The following HADHB variants were observed in gnomAD, a reference collection of about 807,000 sequenced individuals.
HADHB encodes the protein hydroxyacyl-CoA dehydrogenase trifunctional multienzyme complex subunit beta.
In HADHB, 50 loss-of-function variants were observed where a neutral mutation model predicts 61.9. That is an observed-to-expected ratio of 0.81 (90% CI 0.64 to 1.02). The LOEUF is 1.02. HADHB is among the 50% of genes least tolerant of loss of function. The pLI is 0.00. For synonymous variants in HADHB, 191 were observed against 201.6 expected (o/e 0.95, Z 0.45); for missense variants, 504 against 586.5 (o/e 0.86, Z 1.45).
chr2:26,255,054 G>A (rs1671550570), intron 3 of HADHB: 1 of 156,508 alleles, frequency 6.4e-6, no homozygotes, highest in African/African-American at 2.4e-5. Context: ...GCAGATTTTT[G>A]TAGAATCTGC....
intron 9 of HADHB, among the ~76,000 whole-genome samples, chr2:26,279,777 G>A (rs1161402349): frequency 6.6e-6 from 1 of 152,092 alleles, no homozygotes. Context: ...AAAATAGGGT[G>A]TCCTATTTTT....
Position 26,260,081 on chromosome 2 carries a change from GT to G in HADHB, c.110-3281del, listed in dbSNP as rs35276756. Among the ~76,000 whole-genome samples, 318 of 133,534 alleles carry G rather than the reference GT, an allele frequency of 2.4e-3. 1 individual carries two copies. Among genetic ancestry groups the G allele is most frequent in the African/African-American group, 6.3e-3 (229 of 36,556 alleles). The allele number at this position is 133,534 out of a possible 152,430, so 87.6% of individuals were successfully genotyped here. Reference sequence around the variant, plus strand: ...AGGAATATATGGTCAGTTTTTTCTGGTTTTTTTTTTTTTTTTTTGAGGCAGA... The same window carrying G: ...AGGAATATATGGTCAGTTTTTTCTGGTTTTTTTTTTTTTTTTTGAGGCAGA... On this transcript the variant is annotated intron_variant, in intron 3 of 15. Transcript: ENST00000317799.
At chr2:26,247,765 G>T (rs911558568) in intron 1 of HADHB, among the ~76,000 whole-genome samples, 20 of 152,254 alleles carry the variant, frequency 1.3e-4, no homozygotes, top group African/African-American at 4.8e-4. Flanking sequence ...GTCTAGAGAT[G>T]ATTTAGAGTA....
At chr2:26,289,655 G>GTA (rs1293870403) in intron 15 of HADHB, among the ~76,000 whole-genome samples, 8 of 151,920 alleles carry the variant, frequency 5.3e-5, no homozygotes, top group East Asian at 1.9e-4. Context: ...ATATGTGTGT[G>GTA]TATATATATA....
At chr2:26,278,996 A>G in intron 8 of HADHB, 139 bp from the exon 9 acceptor site, 2 of 905,880 alleles carry the variant, frequency 2.2e-6, no homozygotes. Context: ...CTCTTTAGAG[A>G]TCCTCTGCTT....
chr2:26,270,765 A>G (rs1246443187), intron 5 of HADHB, among the ~76,000 whole-genome samples: 1 of 152,006 alleles, frequency 6.6e-6, no homozygotes, highest in Non-Finnish European at 1.5e-5. Flanking sequence ...CTGTCTCTGT[A>G]CTTTATAGCA....
At chr2:26,252,149 C>A (rs1671424365) in intron 1 of HADHB, among the ~76,000 whole-genome samples, 1 of 152,194 alleles carries the variant, frequency 6.6e-6, no homozygotes, top group South Asian at 2.1e-4. Flanking sequence ...AGTGGGTGAG[C>A]TGAGAGAGAG....
intron 3 of HADHB, among the ~76,000 whole-genome samples, chr2:26,262,107 T>A (rs1218982503): frequency 6.6e-6 from 1 of 152,222 alleles, no homozygotes; most frequent in Non-Finnish European, 1.5e-5. Context: ...TTATCATGAC[T>A]ATTAACTCTC....
intron 4 of HADHB, among the ~76,000 whole-genome samples, chr2:26,264,062 A>G (rs1407460214): frequency 6.6e-6 from 1 of 152,076 alleles, no homozygotes; most frequent in African/African-American, 2.4e-5. Flanking sequence ...AAAGCTGATA[A>G]TGGACTTTGA....
chr2:26,275,578 C>A (rs1292248841), intron 6 of HADHB, among the ~76,000 whole-genome samples: 1 of 152,140 alleles, frequency 6.6e-6, no homozygotes. Flanking sequence ...ACCTAAGTGC[C>A]CCTTTTACAC....
At chr2:26,256,925 C>T (rs2147803364) in intron 3 of HADHB, among the ~76,000 whole-genome samples, 1 of 152,158 alleles carries the variant, frequency 6.6e-6, no homozygotes, top group African/African-American at 2.4e-5. Flanking sequence ...ACATAATTGG[C>T]CATTATTAGA....
chr2:26,257,880 G>A (rs1041763645), intron 3 of HADHB, among the ~76,000 whole-genome samples: 2 of 152,006 alleles, frequency 1.3e-5, no homozygotes, highest in Admixed American at 6.6e-5. Flanking sequence ...TTAGCCGGGC[G>A]TGGTGGCGGG....
At position 26,254,434 on chromosome 2, in the gene HADHB, A is replaced by C; in HGVS notation, c.69A>C (p.Ile23=). 6.2e-7 allele frequency: 1 copy of C among 1,603,918 alleles called. No individual in the cohort carries two copies. The highest frequency in any genetic ancestry group is 1.1e-5 in the South Asian group (1 of 90,902). The change falls in exon 3 of 16, where the codon ATA becomes ATC. Residue 23 remains isoleucine (I), a synonymous_variant. Coordinates refer to ENST00000317799, the MANE Select transcript of HADHB (RefSeq NM_000183.3). ...ACAGTTTATTTTGTCTTCCAGCCAT[A>C]AGACCTCTGAGCTGTTCCTCCCAGC... ...TASKWALRFS[I]RPLSCSSQLR... is the part of the protein sequence containing the mutation.
intron 5 of HADHB, among the ~76,000 whole-genome samples, chr2:26,272,767 T>A (rs1174852933): frequency 6.6e-6 from 1 of 152,112 alleles, no homozygotes; most frequent in African/African-American, 2.4e-5. Flanking sequence ...CTTTTGTCCT[T>A]TTAATGGGGA....
intron 4 of HADHB, among the ~76,000 whole-genome samples, chr2:26,266,059 A>G (rs1574652714): frequency 6.8e-6 from 1 of 147,910 alleles, no homozygotes; most frequent in African/African-American, 2.5e-5. Context: ...ACGCCTCCTC[A>G]CCCCCTACCT....
chr2:26,252,881 AC>A (rs376947795), intron 1 of HADHB, among the ~76,000 whole-genome samples: 45 of 152,350 alleles, frequency 3.0e-4, no homozygotes, highest in African/African-American at 9.4e-4. Context: ...ATGGATAATT[AC>A]CAAATTGCCC....
rs767718185 is a variant in HADHB, at chr2:26,280,126, A to G, written c.933+11A>G. On this transcript the variant is annotated intron_variant, in intron 10 of 15. Transcript: ENST00000317799. ...AATTCTTCTTTCTTGGTAACTGTCA[A>G]TGTTATTTGTATTTAGTAGTGACTT... 2.4e-5 allele frequency: 39 copies of G among 1,606,436 alleles called. No homozygotes were observed. The East Asian group carries it at 8.5e-4, about 35-fold the overall frequency.
chr2:26,252,829 G>C (rs1223946894), intron 1 of HADHB, among the ~76,000 whole-genome samples: 1 of 152,210 alleles, frequency 6.6e-6, no homozygotes, highest in Non-Finnish European at 1.5e-5. Context: ...GTTCATGGAA[G>C]TGGAATTGCT....
chr2:26,257,445 G>A (rs142870636), intron 3 of HADHB, among the ~76,000 whole-genome samples: 1 of 152,168 alleles, frequency 6.6e-6, no homozygotes, highest in Non-Finnish European at 1.5e-5. Flanking sequence ...AATGCTGCTT[G>A]CCTAAGACAG....
Sources: allele counts gnomAD v4.1 joint callset (sites outside exome capture counted in the v4.1 genomes callset), GRCh38; gene constraint gnomAD v4.1.1; transcripts MANE v1.5; gene names NCBI Gene and HGNC (gene_info 2026-07-23, HGNC 2026-07-21).